Variants in CTNNA3 observed in about 807,000 individuals in gnomAD.
The protein encoded by CTNNA3 is catenin alpha 3, also known as catenin alpha-3.
In CTNNA3, 76 loss-of-function variants were observed where a neutral mutation model predicts 95.7. The observed-to-expected ratio is 0.79, with a 90% CI of 0.66 to 0.96. The LOEUF (loss-of-function observed/expected upper bound fraction) is 0.96. Among genes scored for constraint, CTNNA3 ranks in the 40% least tolerant of loss-of-function variants. The pLI, the probability that CTNNA3 is intolerant of heterozygous loss-of-function variation, is 0.00. For missense variants in CTNNA3, 1,191 were observed against 1,089.8 expected (o/e 1.09, Z -1.31); for synonymous variants, 431 against 374.4 (o/e 1.15, Z -1.74).
chr10:65,920,474 C>G lies in CTNNA3; in HGVS notation c.2544G>C (p.Trp848Cys). 6.2e-7 allele frequency: 1 copy of G among 1,614,170 alleles called. No individual in the cohort carries two copies. Among genetic ancestry groups the G allele is most frequent in the Non-Finnish European group, 8.5e-7 (1 of 1,180,034 alleles). ...PAGPRHPVVM[W>C]RMKAPAKKPL... is the part of the protein sequence containing the mutation. ...GTTTTTTTGCAGGAGCCTTCATTCT[C>G]CACATCACAACTGGGTGCCGGGGCC... Residue 848 changes from tryptophan (W) to cysteine (C), a missense_variant, in exon 18 of 18, where the codon TGG (tryptophan) becomes TGC (cysteine). Transcript: ENST00000433211.
rs530305417 is a variant in CTNNA3 at position 66,863,804 on chromosome 10, A to T, written c.1048-88280T>A. Among the ~76,000 whole-genome samples the T allele has an allele frequency of 2.8e-3, 432 of 151,954 alleles. 4 individuals carry two copies. The highest frequency in any genetic ancestry group is 4.9e-3 in the Non-Finnish European group (332 of 67,952). ...TGTCTAATTGTGTCACTAGGAGGAG[A>T]CCTCCTAGTGATCTGGTGTGGACAT... On this transcript the variant is annotated intron_variant, in intron 7 of 17. Transcript: ENST00000433211.
At chr10:66,421,915 T>TATATATATATATAC (rs1491235778) in intron 11 of CTNNA3, among the ~76,000 whole-genome samples, 2 of 128,898 alleles carry the variant, frequency 1.6e-5, no homozygotes, top group Non-Finnish European at 3.3e-5. Flanking sequence ...TATATATATA[T>TATATATATATATAC]ACACACACAC....
chr10:66,677,093 A>G (rs1383501330), intron 9 of CTNNA3, among the ~76,000 whole-genome samples: 1 of 152,130 alleles, frequency 6.6e-6, no homozygotes, highest in Non-Finnish European at 1.5e-5. Context: ...GGTATTGTGG[A>G]TAGATTACTT....
intron 13 of CTNNA3, among the ~76,000 whole-genome samples, chr10:66,204,691 T>C (rs1439794854): frequency 2.0e-5 from 3 of 152,170 alleles, no homozygotes; most frequent in African/African-American, 7.2e-5. Context: ...ACTTCTATTA[T>C]AGCACTTTTA....
chr10:65,945,092 A>G (rs570656140), intron 17 of CTNNA3, among the ~76,000 whole-genome samples: 93 of 152,136 alleles, frequency 6.1e-4, no homozygotes, highest in African/African-American at 2.0e-3. Context: ...TAGAACAACT[A>G]ATTTATATAT....
intron 11 of CTNNA3, among the ~76,000 whole-genome samples, chr10:66,494,754 C>T (rs1000467910): frequency 1.3e-5 from 2 of 152,174 alleles, no homozygotes; most frequent in African/African-American, 4.8e-5. Context: ...GATTTAGAGT[C>T]AACCAATACC....
At chr10:66,217,160 C>T (rs1303876154) in intron 13 of CTNNA3, among the ~76,000 whole-genome samples, 1 of 152,012 alleles carries the variant, frequency 6.6e-6, no homozygotes, top group East Asian at 1.9e-4. Flanking sequence ...TCAAGACCAG[C>T]CTGGCCAAGA....
intron 7 of CTNNA3, among the ~76,000 whole-genome samples, chr10:66,910,779 C>T (rs371633983): frequency 1.1e-4 from 17 of 152,194 alleles, no homozygotes; most frequent in African/African-American, 3.9e-4. Flanking sequence ...GGTTTCCGCT[C>T]TTCTTGAAAA....
intron 10 of CTNNA3, among the ~76,000 whole-genome samples, chr10:66,588,450 C>T (rs532470198): frequency 6.6e-6 from 1 of 152,184 alleles, no homozygotes; most frequent in Non-Finnish European, 1.5e-5. Flanking sequence ...TGCCTCCAAA[C>T]CACTGGGCCA....
At chr10:66,533,648 C>T (rs1440268512) in intron 10 of CTNNA3, among the ~76,000 whole-genome samples, 1 of 152,128 alleles carries the variant, frequency 6.6e-6, no homozygotes, top group Non-Finnish European at 1.5e-5. Flanking sequence ...ATCCCTCTTC[C>T]CATGTAACCA....
chr10:66,910,323 C>T (rs1171248817), intron 7 of CTNNA3, among the ~76,000 whole-genome samples: 1 of 152,082 alleles, frequency 6.6e-6, no homozygotes, highest in Non-Finnish European at 1.5e-5. Flanking sequence ...GGTAAATAAT[C>T]TTTGTATCAA....
intron 7 of CTNNA3, among the ~76,000 whole-genome samples, chr10:66,832,038 T>G (rs1297366142): frequency 6.6e-6 from 1 of 152,170 alleles, no homozygotes; most frequent in Non-Finnish European, 1.5e-5. Flanking sequence ...ACAAAATACC[T>G]ACGTACACAG....
chr10:67,493,803 C>T (rs148454242), intron 5 of CTNNA3, among the ~76,000 whole-genome samples: 59 of 152,192 alleles, frequency 3.9e-4, no homozygotes, highest in Non-Finnish European at 6.8e-4. Flanking sequence ...AGAAACTTAG[C>T]ATGAGGAAAA....
chr10:67,347,755 G>A (rs1414412651), intron 5 of CTNNA3, among the ~76,000 whole-genome samples: 1 of 141,790 alleles, frequency 7.1e-6, no homozygotes, highest in African/African-American at 2.6e-5. Flanking sequence ...TTAATCAAGA[G>A]AATCCACTCA....
chr10:65,935,908 A>G, intron 17 of CTNNA3, among the ~76,000 whole-genome samples: 1 of 152,188 alleles, frequency 6.6e-6, no homozygotes, highest in Non-Finnish European at 1.5e-5. Context: ...TTATGAATGC[A>G]TATTTTATTG....
intron 5 of CTNNA3, among the ~76,000 whole-genome samples, chr10:67,323,612 T>C (rs553886129): frequency 2.4e-4 from 36 of 152,220 alleles, no homozygotes; most frequent in African/African-American, 7.9e-4. Flanking sequence ...GTTTTGGTTA[T>C]TGCAGCCTTG....
At chr10:67,570,193 T>G (rs576854659) in intron 3 of CTNNA3, among the ~76,000 whole-genome samples, 2 of 152,150 alleles carry the variant, frequency 1.3e-5, no homozygotes, top group Admixed American at 1.3e-4. Flanking sequence ...CTTTCCGCCT[T>G]TCTTTTAGAA....
intron 14 of CTNNA3, chr10:66,098,052 T>A (rs904263295): frequency 6.6e-6 from 1 of 152,036 alleles, no homozygotes. Context: ...GGTCTGGGCA[T>A]TACCAGGTAG....
intron 15 of CTNNA3, among the ~76,000 whole-genome samples, chr10:65,995,936 T>G (rs77421706): frequency 0.11 from 16,356 of 152,174 alleles, 1,107 homozygotes; most frequent in East Asian, 0.2. Context: ...TCCTCCATTG[T>G]GCACACAGGT....
Sources: gnomAD v4.1 joint callset for allele counts (sites outside exome capture counted in the v4.1 genomes callset) on GRCh38, gnomAD v4.1.1 for gene constraint, MANE v1.5 for transcripts, NCBI Gene and HGNC (gene_info 2026-07-23, HGNC 2026-07-21) for gene names.